The following CDC20B variants were observed in gnomAD, a reference collection of about 807,000 sequenced individuals.
CDC20B encodes cell division cycle protein 20 homolog B.
A neutral mutation model predicts 64.1 loss-of-function variants in CDC20B; 58 were observed. That is an observed-to-expected ratio of 0.90 (90% CI 0.73 to 1.13). The LOEUF is 1.13. Ranked by LOEUF, CDC20B falls within the 50% of genes most tolerant of loss-of-function variation. The pLI, the probability that CDC20B is intolerant of heterozygous loss-of-function variation, is 0.00. For missense variants in CDC20B, 597 were observed against 633.0 expected (o/e 0.94, Z 0.61); for synonymous variants, 243 against 230.6 (o/e 1.05, Z -0.49).
intron 4 of CDC20B, among the ~76,000 whole-genome samples, chr5:55,142,702 G>A (rs536749516): frequency 1.3e-5 from 2 of 152,156 alleles, no homozygotes; most frequent in African/African-American, 4.8e-5. Context: ...CAACAATAAA[G>A]CACACATCAA....
At chr5:55,150,563 G>C (rs1009386347) in intron 2 of CDC20B, among the ~76,000 whole-genome samples, 1 of 152,180 alleles carries the variant, frequency 6.6e-6, no homozygotes, top group Non-Finnish European at 1.5e-5. Flanking sequence ...GTAAAGTGTT[G>C]TTGGGGGTCA....
chr5:55,155,425 AAGT>A (rs1743781608), intron 2 of CDC20B, among the ~76,000 whole-genome samples: 1 of 152,108 alleles, frequency 6.6e-6, no homozygotes, highest in Non-Finnish European at 1.5e-5. Flanking sequence ...AGAAAGATAA[AAGT>A]AGCAAAGACA....
Position 55,131,226 on chromosome 5 carries a change from T to A in CDC20B, c.697+2186A>T, listed in dbSNP as rs375088806. 2.6e-5 allele frequency among the ~76,000 whole-genome samples: 4 copies of A among 152,172 alleles called. No homozygotes were observed. In the East Asian group the frequency reaches 5.8e-4, roughly 22 times the overall value. On this transcript the variant is annotated intron_variant, in intron 6 of 11. Transcript: ENST00000381375. ...GGGGACTTTGAGAGACCTATGTGAT[T>A]GCAAGATGTTTATATATTGTGTGAT...
At chr5:55,128,306 A>G (rs958713593) in intron 7 of CDC20B, 115 bp downstream of exon 7, 22 of 739,122 alleles carry the variant, frequency 3.0e-5, no homozygotes, top group Middle Eastern at 3.9e-4. Context: ...TTTATTCCCC[A>G]TACTTCAAGA....
chr5:55,118,161 C>A (rs1461887364), intron 11 of CDC20B, among the ~76,000 whole-genome samples: 1 of 152,026 alleles, frequency 6.6e-6, no homozygotes, highest in Non-Finnish European at 1.5e-5. Context: ...GAAGAAAAAA[C>A]TGTTCTAGCT....
At chr5:55,170,612 A>C (rs749947383) in intron 2 of CDC20B, 2 of 534,716 alleles carry the variant, frequency 3.7e-6, no homozygotes, top group Non-Finnish European at 7.7e-6. Flanking sequence ...CTGCCAGCTC[A>C]TCACACACAG....
intron 2 of CDC20B, among the ~76,000 whole-genome samples, chr5:55,156,954 T>A (rs336084): frequency 0.82 from 124,916 of 152,170 alleles, 51,346 homozygotes; most frequent in Middle Eastern, 0.86. Context: ...CTTCCGTTTC[T>A]TGTGTGTTCT....
chr5:55,148,189 A>G (rs1743552623), intron 2 of CDC20B, among the ~76,000 whole-genome samples: 1 of 152,232 alleles, frequency 6.6e-6, no homozygotes. Flanking sequence ...CCCAAAAGAT[A>G]TTTAATCTCA....
chr5:55,120,344 G>A, intron 10 of CDC20B, 81 bp downstream of exon 10: 1 of 1,505,908 alleles, frequency 6.6e-7, no homozygotes. Flanking sequence ...GAGCTTGTTG[G>A]GGGCATAGGC....
chr5:55,157,928 A>G (rs1743860915), intron 2 of CDC20B, among the ~76,000 whole-genome samples: 1 of 152,212 alleles, frequency 6.6e-6, no homozygotes, highest in Admixed American at 6.5e-5. Flanking sequence ...TATTCTATGA[A>G]TTAATTTTAA....
chr5:55,129,697 G>A (rs1248365102), intron 6 of CDC20B, among the ~76,000 whole-genome samples: 1 of 152,208 alleles, frequency 6.6e-6, no homozygotes, highest in Non-Finnish European at 1.5e-5. Flanking sequence ...ACTGAGATTT[G>A]AAACATCCAT....
rs138294281 is a variant in CDC20B at position 55,148,669 on chromosome 5, G to C, written c.127-1813C>G. On this transcript the variant is annotated intron_variant, in intron 2 of 11. Transcript: ENST00000381375. ...GCCGCATTGGCGCTGCTGCACTCCA[G>C]CCTGGGCGACAAAGTGAGACCCTGT... 4.9e-3 allele frequency among the ~76,000 whole-genome samples: 748 copies of C among 152,292 alleles called. 1 individual carries two copies. The highest frequency in any genetic ancestry group is 0.017 in the Middle Eastern group (5 of 294).
At position 55,114,322 on chromosome 5, in the gene CDC20B, G is replaced by A. The variant is rs1370902674; in HGVS notation, c.1460-4C>T. The A allele has an allele frequency of 1.9e-6, 3 of 1,613,200 alleles. No individual in the cohort carries two copies. In the Admixed American group the frequency reaches 5.0e-5, roughly 27 times the overall value. Reference sequence around the variant, plus strand: ...TGCAGCACTCTGCCCCTGTGGCCTGGGGGAAGAAGGAAAGACAGTTCATAC... The same window carrying A: ...TGCAGCACTCTGCCCCTGTGGCCTGAGGGAAGAAGGAAAGACAGTTCATAC... On this transcript the variant is annotated splice_polypyrimidine_tract_variant and splice_region_variant and intron_variant, in intron 11 of 11. Coordinates refer to ENST00000381375, the MANE Select transcript of CDC20B (RefSeq NM_001170402.1). This position sits in a 1 kb window ranked among gnomAD's most constrained non-coding sequence, Gnocchi z 4.1.
Position 55,119,812 on chromosome 5 carries a change from C to T in CDC20B, c.1448G>A (p.Gly483Asp), listed in dbSNP as rs746353980. 3 of 1,613,268 alleles carry T rather than the reference C, an allele frequency of 1.9e-6. No homozygotes were observed. Among genetic ancestry groups the T allele is most frequent in the Admixed American group, 3.3e-5 (2 of 60,010 alleles). Residue 483 changes from glycine to aspartate, a missense_variant, in exon 11 of 12, where the codon GGT (glycine) becomes GAT (aspartate). Gly to Asp is a moderately conservative substitution (Grantham distance 94). Around this residue, in one of 3 missense-constraint regions of CDC20B, gnomAD observed 353 missense variants for 397.0 expected, o/e 0.89. Transcript: ENST00000381375. ...ACCCATTTGCTTACCAAAAAACCCA[C>T]CTGACCTGGACACAGTGGGACAGGT... ...VWTCPTVSRS[G>D]GFFGHRGRVL...
chr5:55,168,227 G>A (rs1744477585), intron 2 of CDC20B, among the ~76,000 whole-genome samples: 1 of 152,066 alleles, frequency 6.6e-6, no homozygotes, highest in Non-Finnish European at 1.5e-5. Flanking sequence ...GGAATAAAAA[G>A]CAGCAGAGAG....
intron 8 of CDC20B, among the ~76,000 whole-genome samples, chr5:55,126,056 G>C (rs892546825): frequency 6.6e-6 from 1 of 152,136 alleles, no homozygotes; most frequent in Non-Finnish European, 1.5e-5. Flanking sequence ...CATTTTCCTC[G>C]TGGATAATGA....
chr5:55,115,217 T>C (rs1742594520), intron 11 of CDC20B, among the ~76,000 whole-genome samples: 1 of 152,214 alleles, frequency 6.6e-6, no homozygotes, highest in African/African-American at 2.4e-5. Flanking sequence ...GTTAAATTAT[T>C]ATTTGCCAAA....
At chr5:55,127,035 TC>T (rs1742909338) in intron 8 of CDC20B, among the ~76,000 whole-genome samples, 1 of 152,204 alleles carries the variant, frequency 6.6e-6, no homozygotes, top group African/African-American at 2.4e-5. Flanking sequence ...ATTTAGTGCA[TC>T]CCATGCAGAA....
intron 3 of CDC20B, among the ~76,000 whole-genome samples, chr5:55,146,344 G>C (rs1743474556): frequency 6.6e-6 from 1 of 152,178 alleles, no homozygotes; most frequent in African/African-American, 2.4e-5. Flanking sequence ...ACATGGAGTG[G>C]CTCTCTGGTT....
Sources: gnomAD v4.1 joint callset for allele counts (sites outside exome capture counted in the v4.1 genomes callset) on GRCh38, gnomAD v4.1.1 for gene constraint, gnomAD v4.1.1 regional missense constraint, Gnocchi (gnomAD v3.1) non-coding constraint, MANE v1.5 for transcripts, NCBI Gene and HGNC (gene_info 2026-07-23, HGNC 2026-07-21) for gene names.